Variants in CDNF observed in about 807,000 individuals in gnomAD.
CDNF encodes ARMET-like protein 1.
Under a neutral mutation model 14.8 loss-of-function variants are expected in CDNF, and 9 were observed. The observed-to-expected ratio is 0.61, with a 90% CI of 0.37 to 1.06. The LOEUF is 1.06. Ranked by LOEUF, CDNF falls within the 50% of genes least tolerant of loss-of-function variation. CDNF has a pLI of 0.01. For synonymous variants in CDNF, 86 were observed against 87.2 expected (o/e 0.99, Z 0.07); for missense variants, 228 against 228.4 (o/e 1.00, Z 0.01).
At chr10:14,829,689 G>A (rs1461996459) in intron 1 of CDNF, among the ~76,000 whole-genome samples, 1 of 152,066 alleles carries the variant, frequency 6.6e-6, no homozygotes, top group Non-Finnish European at 1.5e-5. Flanking sequence ...AAGTGCAATG[G>A]CGCAATCTCA....
rs945451378 is a variant in CDNF, at chr10:14,820,101, T to A, written c.443A>T (p.Lys148Met). The A allele has an allele frequency of 3.7e-6, 6 of 1,614,070 alleles. No homozygotes were observed. The African/African-American group carries it at 8.0e-5, about 22-fold the overall frequency. The change falls in exon 4 of 4, where the codon AAG becomes ATG. Residue 148 changes from lysine (K) to methionine (M), a missense_variant. Physicochemically the swap from Lys to Met is moderately conservative, Grantham distance 95. Coordinates refer to ENST00000465530, the MANE Select transcript of CDNF (RefSeq NM_001029954.3). ...DLRKMRVAELKQILHSWGEEC... is the reference protein window; with the variant it reads ...DLRKMRVAELMQILHSWGEEC... The stretch of plus-strand genomic sequence containing the variant: ...CTCCCCCCAGCTATGCAGGATCTGC[T>A]TCAGCTCTGCCACTCTCATCTTCCG...
chr10:14,822,015 C>T (rs1432996990), intron 3 of CDNF, among the ~76,000 whole-genome samples: 2 of 152,178 alleles, frequency 1.3e-5, no homozygotes, highest in South Asian at 2.1e-4. Context: ...AATGCAAACA[C>T]GTGAATAAAA....
chr10:14,822,507 C>T (rs1425718727), intron 3 of CDNF, among the ~76,000 whole-genome samples: 2 of 151,152 alleles, frequency 1.3e-5, no homozygotes, highest in East Asian at 3.9e-4. Flanking sequence ...ACCCAGGAGG[C>T]TGAGGTTGCA....
At chr10:14,834,475 CAT>C (rs1244920028) in intron 1 of CDNF, 1 of 152,220 alleles carries the variant, frequency 6.6e-6, no homozygotes, top group Non-Finnish European at 1.5e-5. Context: ...AGTATACCTT[CAT>C]ATGATTTCTA....
At chr10:14,827,052 CAAAAAAAA>C (rs34308438) in intron 2 of CDNF, among the ~76,000 whole-genome samples, 15 of 74,676 alleles carry the variant, frequency 2.0e-4, no homozygotes, top group South Asian at 5.3e-4. Context: ...CCCGTCTCTA[CAAAAAAAA>C]AAAAAAAAAA....
intron 1 of CDNF, among the ~76,000 whole-genome samples, chr10:14,830,295 A>G (rs997134667): frequency 3.3e-5 from 5 of 152,084 alleles, no homozygotes; most frequent in Admixed American, 1.3e-4. Context: ...ATAGTCCCCT[A>G]TGGGTAGGGA....
chr10:14,826,821 C>T (rs1209266543), intron 2 of CDNF, among the ~76,000 whole-genome samples: 2 of 152,096 alleles, frequency 1.3e-5, no homozygotes, highest in African/African-American at 4.8e-5. Flanking sequence ...ATAGAAGAGA[C>T]AGAATTATAA....
Position 14,828,171 on chromosome 10 carries a change from CCAAG to C in CDNF, c.213_216del (p.Cys71TrpfsTer14). ...AGGCGGTTTTCTTTTCCTTTGGTGT[CCAAG>C]CAAAAACTGATCAATTCTTTCTCTA... On this transcript the variant is annotated frameshift_variant, in exon 2 of 4. Transcript: ENST00000465530. LOFTEE classifies it high-confidence loss of function. 6.2e-7 allele frequency: 1 copy of C among 1,613,726 alleles called. No individual in the cohort carries two copies.
At chr10:14,834,744 C>T (rs1833872940) in intron 1 of CDNF, among the ~76,000 whole-genome samples, 1 of 152,076 alleles carries the variant, frequency 6.6e-6, no homozygotes, top group Non-Finnish European at 1.5e-5. Flanking sequence ...GTATCAGATA[C>T]TGTGGGAAAA....
chr10:14,836,246 G>C (rs540481302), intron 1 of CDNF: 1 of 152,290 alleles, frequency 6.6e-6, no homozygotes, highest in South Asian at 2.1e-4. Flanking sequence ...GGTTCTTTTA[G>C]TTACCAAACT....
chr10:14,820,077 T>C lies in CDNF; in HGVS notation c.467A>G (p.Glu156Gly). Residue 156 changes from glutamate (E) to glycine (G), a missense_variant, in exon 4 of 4, where the codon GAG becomes GGG. Glu to Gly is a moderately conservative substitution (Grantham distance 98). Coordinates refer to ENST00000465530, the MANE Select transcript of CDNF (RefSeq NM_001029954.3). ...ELKQILHSWG[E>G]ECRACAEKTD... ...TTTTTCTGCACAGGCCCTGCACTCC[T>C]CCCCCCAGCTATGCAGGATCTGCTT... 6.2e-7 allele frequency: 1 copy of C among 1,613,820 alleles called. No homozygotes were observed. Among genetic ancestry groups the C allele is most frequent in the Non-Finnish European group, 8.5e-7 (1 of 1,179,926 alleles).
intron 3 of CDNF, among the ~76,000 whole-genome samples, chr10:14,823,098 C>T (rs1272075479): frequency 6.6e-6 from 1 of 151,148 alleles, no homozygotes; most frequent in Non-Finnish European, 1.5e-5. Flanking sequence ...GCACAAAGGT[C>T]CCTGTTTAAT....
chr10:14,830,675 G>C (rs970167169), intron 1 of CDNF, among the ~76,000 whole-genome samples: 1 of 152,048 alleles, frequency 6.6e-6, no homozygotes, highest in Non-Finnish European at 1.5e-5. Flanking sequence ...ATGAAACCCC[G>C]TCTCTACTAA....
intron 3 of CDNF, among the ~76,000 whole-genome samples, chr10:14,824,580 T>C (rs11259359): frequency 0.11 from 15,058 of 131,816 alleles, 1,008 homozygotes; most frequent in Non-Finnish European, 0.16. Flanking sequence ...CACTCCAGCC[T>C]GGGTGATAGA....
chr10:14,822,258 G>A (rs959380409), intron 3 of CDNF, among the ~76,000 whole-genome samples: 3 of 151,936 alleles, frequency 2.0e-5, no homozygotes, highest in Non-Finnish European at 2.9e-5. Flanking sequence ...CTACTATTTC[G>A]CTGTTTATAG....
At chr10:14,825,999 C>CAGAAGA (rs1167866229) in intron 2 of CDNF, among the ~76,000 whole-genome samples, 3 of 106,022 alleles carry the variant, frequency 2.8e-5, no homozygotes, top group African/African-American at 1.5e-4. Context: ...GAAGAAGCAG[C>CAGAAGA]AGAAGAAGCA....
intron 1 of CDNF, among the ~76,000 whole-genome samples, 190 bp from the exon 2 acceptor site, chr10:14,828,462 C>A (rs1263465682): frequency 6.6e-6 from 1 of 151,910 alleles, no homozygotes; most frequent in Non-Finnish European, 1.5e-5. Context: ...TCCCGGCCAA[C>A]ATGGTGAAAT....
intron 3 of CDNF, among the ~76,000 whole-genome samples, chr10:14,821,379 C>T (rs566178551): frequency 5.3e-5 from 8 of 152,364 alleles, no homozygotes; most frequent in Non-Finnish European, 1.2e-4. Context: ...CTGCCACGGC[C>T]TCCCAAAGTG....
chr10:14,821,403 C>T lies in CDNF; in HGVS notation c.386-1245G>A, dbSNP rs184858519. Among the ~76,000 whole-genome samples the T allele has an allele frequency of 9.7e-3, 1,473 of 152,304 alleles. 31 individuals are homozygous for T. Among genetic ancestry groups the T allele is most frequent in the African/African-American group, 0.034 (1,406 of 41,560 alleles). On this transcript the variant is annotated intron_variant, in intron 3 of 3. Coordinates refer to ENST00000465530, the MANE Select transcript of CDNF (RefSeq NM_001029954.3). ...CCTCCCAAAGTGCTGGAATTACAGG[C>T]GTGAGCCACCGCGCCTGGCCAATAG...
Sources: allele counts gnomAD v4.1 joint callset (sites outside exome capture counted in the v4.1 genomes callset), GRCh38; gene constraint gnomAD v4.1.1; transcripts MANE v1.5; gene names NCBI Gene and HGNC (gene_info 2026-07-23, HGNC 2026-07-21).